GRB7: variants seen among roughly 807,000 people sequenced by gnomAD.
The protein encoded by GRB7 is growth factor receptor bound protein 7.
A neutral mutation model predicts 64.1 loss-of-function variants in GRB7; 47 were observed. The ratio of observed to expected loss-of-function variants is 0.73; its 90% CI spans 0.58 to 0.94. GRB7 has a LOEUF of 0.94. Ranked by LOEUF, GRB7 falls within the 40% of genes least tolerant of loss-of-function variation. The pLI is 0.00. For synonymous variants in GRB7, 277 were observed against 279.9 expected (o/e 0.99, Z 0.10); for missense variants, 634 against 718.4 (o/e 0.88, Z 1.34).
At chr17:39,739,367 A>AT (rs1463517996) in intron 1 of GRB7, among the ~76,000 whole-genome samples, 1 of 152,118 alleles carries the variant, frequency 6.6e-6, no homozygotes, top group Admixed American at 6.5e-5. Context: ...CCCATTGGGT[A>AT]TTTTTCCTGA....
At chr17:39,739,980 C>T in intron 1 of GRB7, 1 of 985,440 alleles carries the variant, frequency 1.0e-6, no homozygotes, top group Non-Finnish European at 1.2e-6. Context: ...CAAACCCCAG[C>T]CTTGGACTGG....
chr17:39,739,123 G>C lies in GRB7; in HGVS notation c.-51+990G>C, dbSNP rs932800087. ...GGCAGATTGAGGACAGAGAATGAAT[G>C]CATCTGCCGGCAAGGTGGAACGCCC... On this transcript the variant is annotated intron_variant, in intron 1 of 14. Coordinates refer to ENST00000309156, the MANE Select transcript of GRB7 (RefSeq NM_005310.5). 6 of 453,282 alleles carry C rather than the reference G, an allele frequency of 1.3e-5. No individual in the cohort carries two copies. The Admixed American group carries it at 2.2e-4, about 16-fold the overall frequency. 28.1% of individuals were successfully genotyped at this position (453,282 alleles called of 1,614,324 possible).
chr17:39,744,519 C>A, intron 7 of GRB7, 34 bp from the exon 8 acceptor site: 1 of 1,541,822 alleles, frequency 6.5e-7, no homozygotes, highest in Non-Finnish European at 8.8e-7. Flanking sequence ...GCGGGATCTA[C>A]CTGTACCAAG....
Position 39,747,119 on chromosome 17 carries a change from GC to G in GRB7, c.*227del. ...TCTCCTCAAGGGAAGGCCTTGGGTG[GC>G]CCCCTCTCCTTCTCCTAGCTCTGGA... On this transcript the variant is annotated 3_prime_UTR_variant, in exon 15 of 15. Coordinates refer to ENST00000309156, the MANE Select transcript of GRB7 (RefSeq NM_005310.5). 3 of 560,746 alleles carry G rather than the reference GC, an allele frequency of 5.4e-6. No homozygotes were observed. The highest frequency in any genetic ancestry group is 6.3e-6 in the Non-Finnish European group (2 of 319,100). The allele number at this position is 560,746 out of a possible 1,614,324, so 34.7% of individuals were successfully genotyped here.
At chr17:39,739,875 A>G in intron 1 of GRB7, 1 of 395,668 alleles carries the variant, frequency 2.5e-6, no homozygotes, top group Non-Finnish European at 3.4e-6. Context: ...CACAGCCAGG[A>G]CCCCTTCCTC....
Position 39,745,782 on chromosome 17 carries a change from A to G in GRB7, c.1264A>G (p.Ser422Gly), listed in dbSNP as rs1242025502. The change falls in exon 12 of 15, where the codon AGT (serine) becomes GGT (glycine). Residue 422 changes from serine to glycine, a missense_variant. Physicochemically the swap from Ser to Gly is moderately conservative, Grantham distance 56. This residue lies in a region of GRB7 where 467 missense variants were observed against 576.6 expected (regional missense o/e 0.81). Coordinates refer to ENST00000309156, the MANE Select transcript of GRB7 (RefSeq NM_005310.5). Reference protein sequence around the residue: ...LPMPASGTSLSAAIHRTQLWF... With the variant: ...LPMPASGTSLGAAIHRTQLWF... Reference sequence around the variant, plus strand: ...CATGCCAGCCTCCGGCACGAGCCTCAGTGCAGGTGGGTGACGGCCCCGAGT... The same window carrying G: ...CATGCCAGCCTCCGGCACGAGCCTCGGTGCAGGTGGGTGACGGCCCCGAGT... 2 of 1,614,030 alleles carry G rather than the reference A, an allele frequency of 1.2e-6. No homozygotes were observed. The highest frequency in any genetic ancestry group is 1.7e-6 in the Non-Finnish European group (2 of 1,180,016).
chr17:39,743,375 A>T lies in GRB7; in HGVS notation c.586-18A>T, dbSNP rs2060014331. The stretch of plus-strand genomic sequence containing the variant: ...CTGGATGCTGGAGCCCTGATCCCTG[A>T]CACTTGTCTACCCACAGCACTCCCT... On this transcript the variant is annotated intron_variant, in intron 5 of 14. Transcript: ENST00000309156. 9 of 1,614,112 alleles carry T rather than the reference A, an allele frequency of 5.6e-6. No individual in the cohort carries two copies. The highest frequency in any genetic ancestry group is 7.6e-6 in the Non-Finnish European group (9 of 1,179,990).
Position 39,742,475 on chromosome 17 carries a change from C to T in GRB7, c.155+19C>T. 9.3e-6 allele frequency: 15 copies of T among 1,613,068 alleles called. No homozygotes were observed. Among genetic ancestry groups the T allele is most frequent in the Non-Finnish European group, 1.3e-5 (15 of 1,179,320 alleles). Reference sequence around the variant, plus strand: ...CCGGCAGGTACGATGGGGCGTGGGGCTTGGGGGAGGTCAGTGCTGGATAAT... The same window carrying T: ...CCGGCAGGTACGATGGGGCGTGGGGTTTGGGGGAGGTCAGTGCTGGATAAT... On this transcript the variant is annotated intron_variant, in intron 2 of 14. Transcript: ENST00000309156.
chr17:39,740,039 C>T (rs1316327213), intron 1 of GRB7: 2 of 985,382 alleles, frequency 2.0e-6, no homozygotes, highest in Non-Finnish European at 2.4e-6. Context: ...GAATCTACTT[C>T]TAACCCCTTC....
chr17:39,742,629 G>A lies in GRB7; in HGVS notation c.219G>A (p.Glu73=). 6.2e-7 allele frequency: 1 copy of A among 1,613,092 alleles called. No homozygotes were observed. Among genetic ancestry groups the A allele is most frequent in the Non-Finnish European group, 8.5e-7 (1 of 1,179,624 alleles). Residue 73 remains glutamate (E), a synonymous_variant, in exon 3 of 15, where the codon GAG becomes GAA. Coordinates refer to ENST00000309156, the MANE Select transcript of GRB7 (RefSeq NM_005310.5). ...CCTCTATCCCCAACCCCTTCCCTGAGCTCTGCAGTCCTCCCTCACAGAGCC... is the reference window on the plus strand; with the variant it reads ...CCTCTATCCCCAACCCCTTCCCTGAACTCTGCAGTCCTCCCTCACAGAGCC... ...SLPSIPNPFP[E]LCSPPSQSPI... is the part of the protein sequence containing the mutation.
At position 39,743,010 on chromosome 17, in the gene GRB7, A is replaced by G; in HGVS notation, c.419A>G (p.Asp140Gly). The G allele has an allele frequency of 6.2e-7, 1 of 1,612,300 alleles. No homozygotes were observed. The highest frequency in any genetic ancestry group is 1.3e-5 in the African/African-American group (1 of 75,028). ...MLVQRAHALS[D>G]ETWGLVECHP... ...GTGCAGCGAGCTCACGCCTTGAGCG[A>G]CGAGACCTGGGGGCTGGTGGAGTGC... The change falls in exon 4 of 15, where the codon GAC (aspartate) becomes GGC (glycine). Residue 140 changes from aspartate (D) to glycine (G), a missense_variant. This residue lies in a region of GRB7 where 467 missense variants were observed against 576.6 expected (regional missense o/e 0.81). Transcript: ENST00000309156.
rs2060056277 is a variant in GRB7, at chr17:39,747,186, C to T, written c.*289C>T. 2 of 469,286 alleles carry T rather than the reference C, an allele frequency of 4.3e-6. No individual in the cohort carries two copies. The highest frequency in any genetic ancestry group is 3.8e-6 in the Non-Finnish European group (1 of 264,006). The allele number at this position is 469,286 out of a possible 1,614,324, so 29.1% of individuals were successfully genotyped here. A position where few individuals can be genotyped will look rare whatever the true frequency, so the allele number is the denominator to read the frequency against. ...CAGGGAATTATGGGAGAAGTGGGGG[C>T]AGCCCAGGCGGTTTCACGCCCCACA... On this transcript the variant is annotated 3_prime_UTR_variant, in exon 15 of 15. Transcript: ENST00000309156.
intron 1 of GRB7, among the ~76,000 whole-genome samples, chr17:39,739,760 AGTT>A (rs2059979845): frequency 6.6e-6 from 1 of 152,196 alleles, no homozygotes; most frequent in Non-Finnish European, 1.5e-5. Flanking sequence ...CCACGGACGG[AGTT>A]ACCTCGTTGA....
At chr17:39,739,915 T>C in intron 1 of GRB7, 1 of 857,082 alleles carries the variant, frequency 1.2e-6, no homozygotes, top group East Asian at 1.2e-4. Flanking sequence ...GTCTTGACGA[T>C]TCCACCCGCC....
chr17:39,738,891 G>T, intron 1 of GRB7: 7 of 1,534,872 alleles, frequency 4.6e-6, no homozygotes, highest in Non-Finnish European at 6.1e-6. Flanking sequence ...CAGCAACACC[G>T]CCTCCGGCCC....
rs537175584 is a variant in GRB7, at chr17:39,742,172, G to T, written c.-50-80G>T. 1.6e-4 allele frequency: 150 copies of T among 921,358 alleles called. No homozygotes were observed. The African/African-American group carries it at 2.3e-3, about 14-fold the overall frequency. 57.1% of individuals were successfully genotyped at this position (921,358 alleles called of 1,614,324 possible). A position where few individuals can be genotyped will look rare whatever the true frequency, so the allele number is the denominator to read the frequency against. ...AGGGAAACTCCAGTTAGAGCAGTGA[G>T]GTGCTAGGTAAACTCTGAGGGGCAC... On this transcript the variant is annotated intron_variant, in intron 1 of 14. Transcript: ENST00000309156.
chr17:39,746,730 A>T, intron 14 of GRB7, 21 bp from the exon 15 acceptor site: 1 of 1,609,798 alleles, frequency 6.2e-7, no homozygotes, highest in Non-Finnish European at 8.5e-7. Context: ...CTGAACTTCC[A>T]CCCCCTTTAC....
At position 39,739,552 on chromosome 17, in the gene GRB7, G is replaced by A. The variant is rs572088947; in HGVS notation, c.-51+1419G>A. Among the ~76,000 whole-genome samples, 10 of 152,388 alleles carry A rather than the reference G, an allele frequency of 6.6e-5. No individual in the cohort carries two copies. The South Asian group carries it at 1.9e-3, about 28-fold the overall frequency. ...GCTCTCCCGCCACATCCAGGCCCCT[G>A]GCCCAGGCCTCAGTCCCGCAAGCCC... On this transcript the variant is annotated intron_variant, in intron 1 of 14. Coordinates refer to ENST00000309156, the MANE Select transcript of GRB7 (RefSeq NM_005310.5).
chr17:39,745,702 C>G (rs1216675055), intron 11 of GRB7, 26 bp from the exon 12 acceptor site: 2 of 1,612,136 alleles, frequency 1.2e-6, no homozygotes, highest in African/African-American at 1.3e-5. Context: ...CGCCCCGACT[C>G]TCCCGTATCT....
Sources: allele counts gnomAD v4.1 joint callset (sites outside exome capture counted in the v4.1 genomes callset), GRCh38; gene constraint gnomAD v4.1.1; regional missense constraint gnomAD v4.1.1; transcripts MANE v1.5; gene names NCBI Gene and HGNC (gene_info 2026-07-23, HGNC 2026-07-21).